The following RORA variants were observed in gnomAD, a reference collection of about 807,000 sequenced individuals.
RORA encodes the protein RAR related orphan receptor A.
In RORA, 7 loss-of-function variants were observed where a neutral mutation model predicts 69.5. That is an observed-to-expected ratio of 0.10 (90% CI 0.06 to 0.19). The LOEUF is 0.19. Ranked by LOEUF, RORA falls within the 10% of genes least tolerant of loss-of-function variation. The probability of loss-of-function intolerance (pLI) is 1.00; values close to 1 mark genes in which losing one functional copy is unlikely to be tolerated. For synonymous variants in RORA, 261 were observed against 240.8 expected, an observed-to-expected ratio of 1.08 and a Z score of -0.78; for missense variants, 457 against 663.0, an observed-to-expected ratio of 0.69 and a Z score of 3.41.
rs1235391460 is a variant in RORA at position 61,061,221 on chromosome 15, C to T, written c.166+167832G>A. Among the ~76,000 whole-genome samples, 3 of 151,996 alleles carry T rather than the reference C, an allele frequency of 2.0e-5. No homozygotes were observed. The highest frequency in any genetic ancestry group is 1.3e-4 in the Admixed American group (2 of 15,268). ...ACAAAACATTAGCCGGGCATGGTGG[C>T]GGGCGCCTGTGGTCCCAGCTACTCG... is the stretch of plus-strand genomic sequence containing the variant. On this transcript the variant is annotated intron_variant, in intron 1 of 10. Transcript: ENST00000335670. This position sits in a 1 kb window ranked among gnomAD's most constrained non-coding sequence, Gnocchi z 4.4.
rs1430660396 is a variant in RORA, at chr15:60,665,074, CAT to C, written c.196+13581_196+13582del. Among the ~76,000 whole-genome samples the C allele has an allele frequency of 2.0e-5, 3 of 152,230 alleles. No individual in the cohort carries two copies. The East Asian group carries it at 5.8e-4, about 29-fold the overall frequency. On this transcript the variant is annotated intron_variant, in intron 2 of 10. Transcript: ENST00000335670. ...ATACTTACATTCTAGACCAGACAAA[CAT>C]AGCAAGTCACGTGTTCTGACCTTGA... is the stretch of plus-strand genomic sequence containing the variant.
At chr15:60,956,248 C>T (rs1386628197) in intron 1 of RORA, among the ~76,000 whole-genome samples, 2 of 151,718 alleles carry the variant, frequency 1.3e-5, no homozygotes, top group African/African-American at 2.4e-5. Flanking sequence ...TTTTTTTCCA[C>T]TGGGCAGTAA....
At chr15:60,702,445 T>C (rs1036278063) in intron 1 of RORA, among the ~76,000 whole-genome samples, 3 of 151,996 alleles carry the variant, frequency 2.0e-5, no homozygotes, top group Admixed American at 1.3e-4. Flanking sequence ...TTGGCCAGGC[T>C]GGACTGGAAC....
intron 3 of RORA, among the ~76,000 whole-genome samples, chr15:60,515,880 A>T (rs1471118217): frequency 1.6e-5 from 2 of 123,870 alleles, no homozygotes; most frequent in African/African-American, 6.5e-5. Context: ...AATTATACAT[A>T]CATACATACA....
intron 1 of RORA, among the ~76,000 whole-genome samples, chr15:60,978,193 G>T (rs6494239): frequency 2.0e-5 from 3 of 152,060 alleles, no homozygotes; most frequent in Non-Finnish European, 1.5e-5. Context: ...TCATCAACAT[G>T]GCCAGCCTAG....
chr15:61,214,760 A>G (rs1412972246), intron 1 of RORA, among the ~76,000 whole-genome samples: 1 of 152,080 alleles, frequency 6.6e-6, no homozygotes, highest in Non-Finnish European at 1.5e-5. Context: ...AACGGTTGAA[A>G]ACTCCTGGAC....
chr15:61,139,036 C>G (rs1009491701), intron 1 of RORA, among the ~76,000 whole-genome samples: 7 of 151,522 alleles, frequency 4.6e-5, no homozygotes, highest in Non-Finnish European at 1.0e-4. Context: ...CCCAGGTACT[C>G]GGGAGGCTGA....
rs957118135 is a variant in RORA, at chr15:60,796,951, T to C, written c.167-118265A>G. Among the ~76,000 whole-genome samples, 11 of 150,970 alleles carry C rather than the reference T, an allele frequency of 7.3e-5. No individual in the cohort carries two copies. In the East Asian group the frequency reaches 2.1e-3, roughly 29 times the overall value. ...AAGCCAGTCACAAAAGGCCACATAA[T>C]ATATTATTCCATTTATACAAATACC... On this transcript the variant is annotated intron_variant, in intron 1 of 10. Transcript: ENST00000335670.
At chr15:60,783,728 C>A (rs1327736525) in intron 1 of RORA, among the ~76,000 whole-genome samples, 1 of 152,176 alleles carries the variant, frequency 6.6e-6, no homozygotes, top group Non-Finnish European at 1.5e-5. Flanking sequence ...GGGCCCCACT[C>A]TCCTCATACT....
Position 60,534,738 on chromosome 15 carries a change from T to C in RORA, c.197-2887A>G, listed in dbSNP as rs2066627386. Among the ~76,000 whole-genome samples the C allele has an allele frequency of 6.6e-6, 1 of 152,264 alleles. No homozygotes were observed. The highest frequency in any genetic ancestry group is 2.1e-4 in the South Asian group (1 of 4,826). On this transcript the variant is annotated intron_variant, in intron 2 of 10. Coordinates refer to ENST00000335670, the MANE Select transcript of RORA (RefSeq NM_134261.3). The surrounding 1 kb of genome is among the most constrained non-coding windows in gnomAD (Gnocchi z 5.0). ...GCACTTTAGGAAATGACTAAAATCC[T>C]CCTACTCCAAAAGCAAACCCTCTGA...
intron 1 of RORA, among the ~76,000 whole-genome samples, chr15:61,001,463 T>C (rs533206983): frequency 2.0e-5 from 3 of 152,244 alleles, no homozygotes; most frequent in South Asian, 2.1e-4. Flanking sequence ...GCTAGTTTCC[T>C]TGAAATAGAT....
chr15:60,835,407 A>G (rs2073102985), intron 1 of RORA, among the ~76,000 whole-genome samples: 1 of 152,218 alleles, frequency 6.6e-6, no homozygotes, highest in Non-Finnish European at 1.5e-5. Flanking sequence ...CGAAGAGGGT[A>G]AGCAAAAACT....
At chr15:60,893,086 C>T (rs1891123509) in intron 1 of RORA, among the ~76,000 whole-genome samples, 1 of 152,210 alleles carries the variant, frequency 6.6e-6, no homozygotes. Context: ...TCCAGCAAAG[C>T]AGGCTGAAGA....
At chr15:60,848,473 C>T (rs2073290491) in intron 1 of RORA, 1 of 152,292 alleles carries the variant, frequency 6.6e-6, no homozygotes, top group African/African-American at 2.4e-5. Flanking sequence ...ATGCAGGTGG[C>T]TTCCAGGAGC....
intron 1 of RORA, among the ~76,000 whole-genome samples, chr15:61,009,786 AAG>A (rs1895032410): frequency 6.6e-6 from 1 of 152,196 alleles, no homozygotes; most frequent in South Asian, 2.1e-4. Flanking sequence ...GACACATAAA[AAG>A]GATCTTAATC....
chr15:61,056,633 G>T (rs184302592), intron 1 of RORA, among the ~76,000 whole-genome samples: 1 of 152,106 alleles, frequency 6.6e-6, no homozygotes, highest in Non-Finnish European at 1.5e-5. Flanking sequence ...TCTAAACATG[G>T]TTCTAGAAAT....
Position 61,128,598 on chromosome 15 carries a change from C to T in RORA, c.166+100455G>A, listed in dbSNP as rs972432677. On this transcript the variant is annotated intron_variant, in intron 1 of 10. Transcript: ENST00000335670. This position sits in a 1 kb window ranked among gnomAD's most constrained non-coding sequence, Gnocchi z 4.5. Reference sequence around the variant, plus strand: ...CTGGGGTGTGCAATCGATGTTGTCACATATATTCCCATGGTTTTTCCAGCT... The same window carrying T: ...CTGGGGTGTGCAATCGATGTTGTCATATATATTCCCATGGTTTTTCCAGCT... Among the ~76,000 whole-genome samples, 7 of 152,162 alleles carry T rather than the reference C, an allele frequency of 4.6e-5. No homozygotes were observed. The highest frequency in any genetic ancestry group is 1.4e-4 in the African/African-American group (6 of 41,428).
At chr15:60,883,141 AAAAAAAAAAAG>A (rs934553575) in intron 1 of RORA, among the ~76,000 whole-genome samples, 4 of 89,402 alleles carry the variant, frequency 4.5e-5, no homozygotes, top group African/African-American at 1.7e-4. Context: ...AAAAAAAAAA[AAAAAAAAAAAG>A]AAAGAGAGAG....
At chr15:61,051,729 A>G (rs1033786656) in intron 1 of RORA, among the ~76,000 whole-genome samples, 1 of 152,144 alleles carries the variant, frequency 6.6e-6, no homozygotes, top group South Asian at 2.1e-4. Flanking sequence ...TTTTTGGCCA[A>G]CACTTCTACA....
Sources: allele counts gnomAD v4.1 joint callset (sites outside exome capture counted in the v4.1 genomes callset), GRCh38; gene constraint gnomAD v4.1.1; non-coding constraint Gnocchi (gnomAD v3.1); transcripts MANE v1.5; gene names NCBI Gene and HGNC (gene_info 2026-07-23, HGNC 2026-07-21).